The following OPCML variants were observed in gnomAD, a reference collection of about 807,000 sequenced individuals.
OPCML encodes the protein opioid-binding protein/cell adhesion molecule.
Under a neutral mutation model 37.8 loss-of-function variants are expected in OPCML, and 13 were observed. The ratio of observed to expected loss-of-function variants is 0.34; its 90% confidence interval spans 0.22 to 0.55. The LOEUF (loss-of-function observed/expected upper bound fraction) is 0.55. Ranked by LOEUF, OPCML falls within the 20% of genes least tolerant of loss-of-function variation. The pLI, the probability that OPCML is intolerant of heterozygous loss-of-function variation, is 0.91. For missense variants in OPCML, 341 were observed against 435.6 expected (o/e 0.78, Z 1.93); for synonymous variants, 176 against 168.8 (o/e 1.04, Z -0.33).
At chr11:133,228,497 C>T (rs1477795308) in intron 1 of OPCML, among the ~76,000 whole-genome samples, 2 of 152,256 alleles carry the variant, frequency 1.3e-5, no homozygotes, top group African/African-American at 4.8e-5. Flanking sequence ...CATCCACAGT[C>T]CCTTCAGCAC....
At chr11:133,009,007 A>G (rs962114443) in intron 1 of OPCML, 9 of 985,424 alleles carry the variant, frequency 9.1e-6, no homozygotes, top group Non-Finnish European at 1.1e-5. Flanking sequence ...ATTAATCTCT[A>G]TTTGACATCT....
chr11:133,356,812 G>A (rs192222782), intron 1 of OPCML, among the ~76,000 whole-genome samples: 52 of 152,280 alleles, frequency 3.4e-4, no homozygotes, highest in Admixed American at 1.4e-3. Flanking sequence ...TCTCATCCAG[G>A]TCAAGTTCAG....
At chr11:132,818,238 A>G (rs904389408) in intron 2 of OPCML, among the ~76,000 whole-genome samples, 1 of 152,042 alleles carries the variant, frequency 6.6e-6, no homozygotes, top group Non-Finnish European at 1.5e-5. Context: ...GAAATTTTCC[A>G]TCCTTTCATT....
chr11:133,271,165 A>G (rs1223734103), intron 1 of OPCML, among the ~76,000 whole-genome samples: 1 of 152,188 alleles, frequency 6.6e-6, no homozygotes, highest in Non-Finnish European at 1.5e-5. Context: ...TCCCTACTCT[A>G]TAAAATAAGA....
At chr11:132,613,168 G>A (rs897856831) in intron 3 of OPCML, among the ~76,000 whole-genome samples, 36 of 152,192 alleles carry the variant, frequency 2.4e-4, no homozygotes, top group Non-Finnish European at 1.5e-4. Context: ...GCCTCCTGGA[G>A]AGCCTCCTAA....
chr11:133,366,806 G>A (rs945968379), intron 1 of OPCML, among the ~76,000 whole-genome samples: 1 of 152,150 alleles, frequency 6.6e-6, no homozygotes, highest in Non-Finnish European at 1.5e-5. Context: ...TAAGAGATGA[G>A]TGTAAAACTA....
At chr11:133,415,441 G>A (rs1265334590) in intron 1 of OPCML, among the ~76,000 whole-genome samples, 1 of 151,928 alleles carries the variant, frequency 6.6e-6, no homozygotes, top group Non-Finnish European at 1.5e-5. Flanking sequence ...TTATTCTCCA[G>A]ATCTGGTGTG....
intron 1 of OPCML, among the ~76,000 whole-genome samples, chr11:133,079,573 A>T (rs560184124): frequency 6.6e-6 from 1 of 152,306 alleles, no homozygotes; most frequent in Admixed American, 6.5e-5. Context: ...GGGGTGACAA[A>T]AAAATGACTG....
intron 3 of OPCML, among the ~76,000 whole-genome samples, chr11:132,592,796 T>C (rs1393031337): frequency 6.6e-6 from 1 of 152,254 alleles, no homozygotes; most frequent in Non-Finnish European, 1.5e-5. Context: ...AAATGATTGA[T>C]GACCAACCTC....
chr11:132,921,952 T>C (rs1944820166), intron 2 of OPCML, among the ~76,000 whole-genome samples: 1 of 152,068 alleles, frequency 6.6e-6, no homozygotes, highest in South Asian at 2.1e-4. Context: ...TGATCTCGGC[T>C]CACTGCAACC....
chr11:132,706,509 A>G lies in OPCML; in HGVS notation c.147-49190T>C, dbSNP rs140443021. Among the ~76,000 whole-genome samples the G allele has an allele frequency of 1.9e-3, 293 of 152,310 alleles. 3 individuals are homozygous for G. The highest frequency in any genetic ancestry group is 6.6e-3 in the African/African-American group (276 of 41,570). On this transcript the variant is annotated intron_variant, in intron 2 of 7. Transcript: ENST00000524381. Reference sequence around the variant, plus strand: ...CCTTGCCTTCTTCCTAGATGTTGAAATGATGTTGCCTGAAGAAAAGATGTG... The same window carrying G: ...CCTTGCCTTCTTCCTAGATGTTGAAGTGATGTTGCCTGAAGAAAAGATGTG...
At chr11:133,168,953 A>C (rs1386568354) in intron 1 of OPCML, among the ~76,000 whole-genome samples, 1 of 152,194 alleles carries the variant, frequency 6.6e-6, no homozygotes, top group East Asian at 1.9e-4. Context: ...ATATGGTGAA[A>C]CACTGTCTCT....
intron 2 of OPCML, among the ~76,000 whole-genome samples, chr11:132,660,436 C>T (rs1377194177): frequency 6.6e-6 from 1 of 152,158 alleles, no homozygotes; most frequent in East Asian, 1.9e-4. Flanking sequence ...AAATACCTGA[C>T]TCGCAAAGGG....
intron 1 of OPCML, among the ~76,000 whole-genome samples, chr11:133,293,147 A>G (rs1942527114): frequency 6.6e-6 from 1 of 152,084 alleles, no homozygotes; most frequent in African/African-American, 2.4e-5. Context: ...ATCTGGGTAG[A>G]ATTTTTGGAC....
intron 1 of OPCML, among the ~76,000 whole-genome samples, chr11:133,059,510 T>C (rs1186626818): frequency 6.6e-6 from 1 of 152,220 alleles, no homozygotes; most frequent in Non-Finnish European, 1.5e-5. Context: ...GAGTAGTCAC[T>C]GCACTCTTCA....
At chr11:133,362,563 A>T (rs1451815596) in intron 1 of OPCML, among the ~76,000 whole-genome samples, 1 of 152,230 alleles carries the variant, frequency 6.6e-6, no homozygotes, top group Non-Finnish European at 1.5e-5. Flanking sequence ...CACAATCGCC[A>T]GGGAAGATTC....
chr11:132,733,829 A>G (rs1204587287), intron 2 of OPCML, among the ~76,000 whole-genome samples: 1 of 152,208 alleles, frequency 6.6e-6, no homozygotes, highest in Non-Finnish European at 1.5e-5. Context: ...ACAGATTGGG[A>G]GAAAACAGGA....
intron 2 of OPCML, among the ~76,000 whole-genome samples, chr11:132,726,420 G>T (rs1167812242): frequency 6.6e-6 from 1 of 151,976 alleles, no homozygotes; most frequent in Non-Finnish European, 1.5e-5. Context: ...CTGATCCCAT[G>T]ATTCAATTAC....
intron 1 of OPCML, among the ~76,000 whole-genome samples, chr11:133,427,652 C>A (rs1946030877): frequency 2.0e-5 from 3 of 151,584 alleles, no homozygotes; most frequent in African/African-American, 7.3e-5. Flanking sequence ...ATGCTACATA[C>A]AATTCCAGTT....
Sources: allele counts gnomAD v4.1 joint callset (sites outside exome capture counted in the v4.1 genomes callset), GRCh38; gene constraint gnomAD v4.1.1; transcripts MANE v1.5; gene names NCBI Gene and HGNC (gene_info 2026-07-23, HGNC 2026-07-21).